The following KDM2B variants were observed in gnomAD, a reference collection of about 807,000 sequenced individuals.
The protein encoded by KDM2B is lysine demethylase 2B, also known as lysine-specific demethylase 2B.
KDM2B carries 26 observed loss-of-function variants against 150.0 expected under a neutral mutation model. That is an observed-to-expected ratio of 0.17 (90% confidence interval 0.13 to 0.24). The LOEUF (loss-of-function observed/expected upper bound fraction) is 0.24, where lower values mean the gene tolerates loss of function less well. KDM2B is among the 10% of genes least tolerant of loss of function. KDM2B has a pLI of 1.00. For missense variants in KDM2B, 1,265 were observed against 1,816.9 expected, an observed-to-expected ratio of 0.70 and a Z score of 5.52; for synonymous variants, 734 against 729.5, an observed-to-expected ratio of 1.01 and a Z score of -0.10.
chr12:121,560,166 T>C (rs1890237658), intron 4 of KDM2B, among the ~76,000 whole-genome samples: 1 of 151,810 alleles, frequency 6.6e-6, no homozygotes, highest in Non-Finnish European at 1.5e-5. Flanking sequence ...TCACCATGCC[T>C]GGCTTTATTT....
chr12:121,446,322 C>T (rs1226894450), intron 13 of KDM2B, among the ~76,000 whole-genome samples: 9 of 152,278 alleles, frequency 5.9e-5, no homozygotes, highest in Non-Finnish European at 1.0e-4. Flanking sequence ...GGCGTGAACC[C>T]GGAAGACAGA....
At chr12:121,471,534 AG>A (rs1175074643) in intron 12 of KDM2B, among the ~76,000 whole-genome samples, 1 of 152,054 alleles carries the variant, frequency 6.6e-6, no homozygotes, top group Non-Finnish European at 1.5e-5. Context: ...AGGTGAAGGG[AG>A]GAGGGAAAAC....
At chr12:121,557,626 G>A (rs1555312990) in intron 4 of KDM2B, among the ~76,000 whole-genome samples, 1 of 152,152 alleles carries the variant, frequency 6.6e-6, no homozygotes, top group Admixed American at 6.6e-5. Context: ...GCAGCTACAA[G>A]CCAAGGCGCA....
chr12:121,503,184 G>A (rs888470916), intron 11 of KDM2B, among the ~76,000 whole-genome samples: 22 of 151,934 alleles, frequency 1.4e-4, no homozygotes, highest in Admixed American at 7.9e-4. Flanking sequence ...TGCCATGTTT[G>A]CCAAGCTAGT....
intron 12 of KDM2B, among the ~76,000 whole-genome samples, chr12:121,455,311 G>A (rs1185557883): frequency 4.6e-5 from 7 of 152,194 alleles, no homozygotes; most frequent in Non-Finnish European, 1.0e-4. Flanking sequence ...TCTGCTCTGG[G>A]GCAGCCCAGC....
chr12:121,545,914 G>A (rs1280594209), intron 6 of KDM2B, among the ~76,000 whole-genome samples: 4 of 148,334 alleles, frequency 2.7e-5, no homozygotes, highest in Admixed American at 1.4e-4. Flanking sequence ...ATCCCAAGTC[G>A]ACTACACACA....
intron 12 of KDM2B, among the ~76,000 whole-genome samples, chr12:121,454,907 C>G (rs1332180594): frequency 6.6e-6 from 1 of 152,166 alleles, no homozygotes; most frequent in Non-Finnish European, 1.5e-5. Flanking sequence ...TCACAACACA[C>G]ACAACTCCCT....
chr12:121,457,449 A>G (rs1224337943), intron 12 of KDM2B, among the ~76,000 whole-genome samples: 2 of 151,758 alleles, frequency 1.3e-5, no homozygotes, highest in Non-Finnish European at 2.9e-5. Flanking sequence ...TTTAGTAGAG[A>G]TAGCATTTCG....
At chr12:121,426,618 C>T (rs1555284272), downstream of KDM2B, among the ~76,000 whole-genome samples, 1 of 132,834 alleles carries the variant, frequency 7.5e-6, no homozygotes, top group East Asian at 2.3e-4. Context: ...TAATTTTAAA[C>T]AATTTTTTTT....
At chr12:121,509,543 G>T in intron 11 of KDM2B, 24 bp downstream of exon 11, 1 of 1,605,652 alleles carries the variant, frequency 6.2e-7, no homozygotes. Flanking sequence ...CGGCCGCCCA[G>T]CCCCAGACGC....
At chr12:121,541,258 G>A (rs1888585325) in intron 6 of KDM2B, among the ~76,000 whole-genome samples, 1 of 151,890 alleles carries the variant, frequency 6.6e-6, no homozygotes, top group South Asian at 2.1e-4. Context: ...TAAGCCAGGG[G>A]ATAGTGGCAT....
intron 6 of KDM2B, among the ~76,000 whole-genome samples, chr12:121,542,315 A>C (rs542820003): frequency 6.6e-6 from 1 of 152,262 alleles, no homozygotes; most frequent in South Asian, 2.1e-4. Context: ...CCAGGCCTAC[A>C]TCATTCCCCC....
downstream of KDM2B, among the ~76,000 whole-genome samples, chr12:121,427,356 G>T (rs534232604): frequency 6.6e-6 from 1 of 152,028 alleles, no homozygotes; most frequent in African/African-American, 2.4e-5. Flanking sequence ...TGGCCAACAT[G>T]GTGGGTGAAA....
chr12:121,575,730 G>A lies in KDM2B; in HGVS notation c.350+51C>T. ...GAAGAAATCCATCCCAAGCTATAAAGTATGTTAGGGAGGAAGACGGGGGAA... is the reference window on the plus strand; with the variant it reads ...GAAGAAATCCATCCCAAGCTATAAAATATGTTAGGGAGGAAGACGGGGGAA... On this transcript the variant is annotated intron_variant, in intron 3 of 22. Coordinates refer to ENST00000377071, the MANE Select transcript of KDM2B (RefSeq NM_032590.5). The surrounding 1 kb of genome is among the most constrained non-coding windows in gnomAD (Gnocchi z 4.4). 7.9e-7 allele frequency: 1 copy of A among 1,261,812 alleles called. No homozygotes were observed. The highest frequency in any genetic ancestry group is 1.2e-6 in the Non-Finnish European group (1 of 858,526). 78.2% of individuals were successfully genotyped at this position (1,261,812 alleles called of 1,614,324 possible).
chr12:121,546,379 C>CTTTTTTTTTTTTTTTTTTTTTTTTTTTT (rs371614406), intron 6 of KDM2B, among the ~76,000 whole-genome samples: 2 of 97,476 alleles, frequency 2.1e-5, no homozygotes, highest in Non-Finnish European at 3.7e-5. Context: ...TTTTTTTTGC[C>CTTTTTTTTTTTTTTTTTTTTTTTTTTTT]TTTTTTTTTT....
At position 121,442,430 on chromosome 12, in the gene KDM2B, G is replaced by T. The variant is rs1555288657; in HGVS notation, c.3011C>A (p.Thr1004Asn). ...CAGCTGGTGCCGCAGCTCCCGGGGG[G>T]TGCCGTTGAGCCCCTTGCTGAAGCG... ...PHRFSKGLNG[T>N]PRELRHQLGP... is the part of the protein sequence containing the mutation. Residue 1004 changes from threonine to asparagine, a missense_variant, in exon 19 of 23, where the codon ACC becomes AAC. This residue lies in a region of KDM2B where 418 missense variants were observed against 402.4 expected (regional missense o/e 1.04). Transcript: ENST00000377071. This position sits in a 1 kb window ranked among gnomAD's most constrained non-coding sequence, Gnocchi z 7.7. 6.3e-7 allele frequency: 1 copy of T among 1,599,180 alleles called. No homozygotes were observed. Among genetic ancestry groups the T allele is most frequent in the Admixed American group, 1.7e-5 (1 of 59,726 alleles).
rs782386521 is a variant in KDM2B at position 121,574,538 on chromosome 12, G to A, written c.397+9C>T. Reference sequence around the variant, plus strand: ...CATGTCTGAGCCACACACACGGCAAGCGACTTACCCACTAGGAGTTTGACG... The same window carrying A: ...CATGTCTGAGCCACACACACGGCAAACGACTTACCCACTAGGAGTTTGACG... On this transcript the variant is annotated intron_variant, in intron 4 of 22. Transcript: ENST00000377071. The A allele has an allele frequency of 1.9e-6, 3 of 1,613,662 alleles. No homozygotes were observed. Among genetic ancestry groups the A allele is most frequent in the Non-Finnish European group, 2.5e-6 (3 of 1,179,704 alleles).
chr12:121,460,024 T>G (rs1878875980), intron 12 of KDM2B, among the ~76,000 whole-genome samples: 1 of 152,068 alleles, frequency 6.6e-6, no homozygotes. Context: ...AAATAGCTAT[T>G]TCTCCAAAAA....
chr12:121,569,662 A>G (rs1890949690), intron 4 of KDM2B, among the ~76,000 whole-genome samples: 1 of 152,150 alleles, frequency 6.6e-6, no homozygotes, highest in Admixed American at 6.5e-5. Flanking sequence ...TCAGAGACCG[A>G]AATGGGCATA....
Sources: allele counts gnomAD v4.1 joint callset (sites outside exome capture counted in the v4.1 genomes callset), GRCh38; gene constraint gnomAD v4.1.1; regional missense constraint gnomAD v4.1.1; non-coding constraint Gnocchi (gnomAD v3.1); transcripts MANE v1.5; gene names NCBI Gene and HGNC (gene_info 2026-07-23, HGNC 2026-07-21).